PPP1R42: variants seen among roughly 807,000 people sequenced by gnomAD.
The protein encoded by PPP1R42 is protein phosphatase 1 regulatory subunit 42, also known as leucine rich repeat containing 67.
In PPP1R42, 34 loss-of-function variants were observed where a neutral mutation model predicts 31.0. That is an observed-to-expected ratio of 1.10 (90% CI 0.83 to 1.46). The LOEUF is 1.46. PPP1R42 is among the 40% of genes most tolerant of loss of function. The pLI is 0.00. For missense variants in PPP1R42, 268 were observed against 303.0 expected, an observed-to-expected ratio of 0.88 and a Z score of 0.86; for synonymous variants, 103 against 109.8, an observed-to-expected ratio of 0.94 and a Z score of 0.39.
At chr8:67,021,373 C>T (rs986086704) in intron 1 of PPP1R42, 8 of 151,972 alleles carry the variant, frequency 5.3e-5, no homozygotes, top group African/African-American at 1.9e-4. Context: ...AAATCTTAAG[C>T]CTCAGAACTG....
At chr8:67,003,001 CA>C (rs1219485285) in intron 5 of PPP1R42, among the ~76,000 whole-genome samples, 205 of 127,596 alleles carry the variant, frequency 1.6e-3, no homozygotes, top group Middle Eastern at 7.9e-3. Flanking sequence ...ACTAAAAATA[CA>C]AAAAAAAAAA....
In PPP1R42 at chr8:67,014,496, G is replaced by T; in HGVS notation, c.226C>A (p.His76Asn). ...ATACAATTGTTTTGTAGGTACAAGT[G>T]GGTCAGATTTGTGGCATAATTCAGG... ...TNLNYATNLT[H>N]LYLQNNCISC... The change falls in exon 3 of 8, where the codon CAC becomes AAC. Residue 76 changes from histidine (H) to asparagine (N), a missense_variant. Physicochemically the swap from His to Asn is moderately conservative, Grantham distance 68. Coordinates refer to ENST00000685739, the MANE Select transcript of PPP1R42 (RefSeq NM_001364910.1). The T allele has an allele frequency of 6.3e-7, 1 of 1,592,748 alleles. No individual in the cohort carries two copies. The highest frequency in any genetic ancestry group is 1.7e-5 in the Admixed American group (1 of 58,302).
At chr8:67,003,674 C>T (rs1418991916) in intron 5 of PPP1R42, among the ~76,000 whole-genome samples, 1 of 152,146 alleles carries the variant, frequency 6.6e-6, no homozygotes, top group Non-Finnish European at 1.5e-5. Flanking sequence ...TCTCCATTTT[C>T]CCCCTATTGC....
At chr8:66,984,003 C>G in intron 6 of PPP1R42, 1 of 909,878 alleles carries the variant, frequency 1.1e-6, no homozygotes, top group South Asian at 1.4e-5. Flanking sequence ...GCAAGATATT[C>G]TCCCTTTGTC....
chr8:66,984,333 CTCATGA>C lies in PPP1R42; in HGVS notation c.671-2159_671-2154del, dbSNP rs1814937244. The stretch of plus-strand genomic sequence containing the variant: ...TCTTCACAGCTTCCTCATCAGGTTC[CTCATGA>C]TCATCTCCCTTTGTGTTAGATGTCT... On this transcript the variant is annotated intron_variant, in intron 6 of 7. Transcript: ENST00000685739. 7 of 1,274,088 alleles carry C rather than the reference CTCATGA, an allele frequency of 5.5e-6. No homozygotes were observed. The Middle Eastern group carries it at 7.6e-4, about 138-fold the overall frequency. The allele number at this position is 1,274,088 out of a possible 1,614,324, so 78.9% of individuals were successfully genotyped here.
chr8:66,984,147 C>T, intron 6 of PPP1R42: 4 of 1,592,186 alleles, frequency 2.5e-6, no homozygotes, highest in Non-Finnish European at 3.4e-6. Flanking sequence ...TCAGTGGACT[C>T]TACACAGATT....
At chr8:66,984,051 TG>T in intron 6 of PPP1R42, 1 of 1,313,988 alleles carries the variant, frequency 7.6e-7, no homozygotes, top group Non-Finnish European at 1.1e-6. Context: ...ATCATACAAG[TG>T]GGAGTGGGTT....
chr8:67,023,236 G>A lies in PPP1R42; in HGVS notation c.-85+5255C>T, dbSNP rs78973489. Among the ~76,000 whole-genome samples the A allele has an allele frequency of 5.1e-3, 774 of 152,146 alleles. 5 individuals are homozygous for A. The highest frequency in any genetic ancestry group is 0.017 in the African/African-American group (715 of 41,504). On this transcript the variant is annotated intron_variant, in intron 1 of 7. Coordinates refer to ENST00000685739, the MANE Select transcript of PPP1R42 (RefSeq NM_001364910.1). ...AGGGATCCTCCCATCTCAGCCTTCC[G>A]AGAAGCTGGGACTACAAGCCTGCGC...
At chr8:67,026,876 T>G (rs1816418194) in intron 1 of PPP1R42, 1 of 151,554 alleles carries the variant, frequency 6.6e-6, no homozygotes, top group Non-Finnish European at 1.5e-5. Flanking sequence ...GCAATCGTCT[T>G]TTACCTGTCA....
chr8:66,965,163 AGTTT>A (rs903816369), intron 7 of PPP1R42, among the ~76,000 whole-genome samples: 3 of 151,090 alleles, frequency 2.0e-5, no homozygotes, highest in African/African-American at 4.9e-5. Flanking sequence ...GATGTACCAC[AGTTT>A]GTTTATCCAT....
chr8:67,005,004 T>C (rs1462874470), intron 5 of PPP1R42, among the ~76,000 whole-genome samples: 1 of 152,098 alleles, frequency 6.6e-6, no homozygotes, highest in East Asian at 1.9e-4. Flanking sequence ...TTTAAAGCCA[T>C]GTAGGCAGGG....
intron 5 of PPP1R42, among the ~76,000 whole-genome samples, chr8:66,995,350 C>A (rs1815306677): frequency 6.6e-6 from 1 of 152,160 alleles, no homozygotes; most frequent in Non-Finnish European, 1.5e-5. Flanking sequence ...AAGCTGTGTC[C>A]AGGCATTTTT....
chr8:66,965,383 A>G (rs1298287644), intron 7 of PPP1R42, among the ~76,000 whole-genome samples: 1 of 152,058 alleles, frequency 6.6e-6, no homozygotes, highest in Non-Finnish European at 1.5e-5. Flanking sequence ...AACTTGGGAA[A>G]ATAACCAGGA....
chr8:67,001,508 T>C (rs1396505733), intron 5 of PPP1R42, among the ~76,000 whole-genome samples: 1 of 151,248 alleles, frequency 6.6e-6, no homozygotes, highest in Admixed American at 6.6e-5. Context: ...TTATCTGTTC[T>C]TTATTTCCCT....
intron 7 of PPP1R42, among the ~76,000 whole-genome samples, chr8:66,969,201 A>T (rs1203018061): frequency 6.6e-6 from 1 of 152,222 alleles, no homozygotes; most frequent in Non-Finnish European, 1.5e-5. Context: ...CTAACAATGC[A>T]CGTGGCAATG....
intron 5 of PPP1R42, among the ~76,000 whole-genome samples, chr8:67,002,504 G>A (rs971834756): frequency 4.6e-5 from 7 of 152,134 alleles, no homozygotes; most frequent in Non-Finnish European, 7.4e-5. Context: ...TGGCTTTTAA[G>A]ATATTCTTAT....
chr8:66,998,905 T>G (rs960672341), intron 5 of PPP1R42, among the ~76,000 whole-genome samples: 6 of 151,478 alleles, frequency 4.0e-5, no homozygotes, highest in South Asian at 2.1e-4. Flanking sequence ...TCATTGTGTG[T>G]TTTTTTTTAT....
intron 1 of PPP1R42, among the ~76,000 whole-genome samples, chr8:67,025,495 G>T (rs1001438405): frequency 1.3e-5 from 2 of 150,936 alleles, no homozygotes; most frequent in Non-Finnish European, 2.9e-5. Flanking sequence ...CTCATGAATG[G>T]CCATGCTATT....
Position 67,025,986 on chromosome 8 carries a change from T to G in PPP1R42, c.-85+2505A>C, listed in dbSNP as rs186448303. ...CACCACTACGCTCCAGCCTGGGCGATAGAGTGAGACTCCGTCTCAAAAAAA... is the reference window on the plus strand; with the variant it reads ...CACCACTACGCTCCAGCCTGGGCGAGAGAGTGAGACTCCGTCTCAAAAAAA... On this transcript the variant is annotated intron_variant, in intron 1 of 7. Coordinates refer to ENST00000685739, the MANE Select transcript of PPP1R42 (RefSeq NM_001364910.1). Among the ~76,000 whole-genome samples, 18 of 135,196 alleles carry G rather than the reference T, an allele frequency of 1.3e-4. No individual in the cohort carries two copies. In the East Asian group the frequency reaches 3.5e-3, roughly 26 times the overall value. The allele number at this position is 135,196 out of a possible 152,430, so 88.7% of individuals were successfully genotyped here.
Sources: allele counts gnomAD v4.1 joint callset (sites outside exome capture counted in the v4.1 genomes callset), GRCh38; gene constraint gnomAD v4.1.1; transcripts MANE v1.5; gene names NCBI Gene and HGNC (gene_info 2026-07-23, HGNC 2026-07-21).